CYP46A1: variants seen among roughly 807,000 people sequenced by gnomAD.
The protein encoded by CYP46A1 is cytochrome P450 family 46 subfamily A member 1, also known as cholesterol 24-hydroxylase.
CYP46A1 carries 20 observed loss-of-function variants against 63.3 expected under a neutral mutation model. The ratio of observed to expected loss-of-function variants is 0.32; its 90% CI spans 0.22 to 0.46. CYP46A1 has a LOEUF of 0.46. CYP46A1 is among the 20% of genes least tolerant of loss of function. The pLI is 1.00. For synonymous variants in CYP46A1, 268 were observed against 273.6 expected (o/e 0.98, Z 0.20); for missense variants, 445 against 670.8 (o/e 0.66, Z 3.72).
intron 1 of CYP46A1, 92 bp downstream of exon 1, chr14:99,684,628 C>A: frequency 8.6e-7 from 1 of 1,164,322 alleles, no homozygotes; most frequent in Non-Finnish European, 1.2e-6. Flanking sequence ...GGGGGTCCGG[C>A]CTCGCCTAGT....
At position 99,721,030 on chromosome 14, in the gene CYP46A1, C is replaced by A. The variant is rs372016852; in HGVS notation, c.981-209C>A. ...AATCCTGGGGGGAGGGCGGAGGTTG[C>A]AGTGAGCCGAGATCACACCACTGCA... On this transcript the variant is annotated intron_variant, in intron 10 of 14. Coordinates refer to ENST00000261835, the MANE Select transcript of CYP46A1 (RefSeq NM_006668.2). Among the ~76,000 whole-genome samples the A allele has an allele frequency of 1.2e-4, 18 of 152,180 alleles. No individual in the cohort carries two copies. The East Asian group carries it at 3.1e-3, about 26-fold the overall frequency.
chr14:99,699,631 T>C (rs1320162375), intron 4 of CYP46A1, 92 bp downstream of exon 4: 1 of 1,386,030 alleles, frequency 7.2e-7, no homozygotes, highest in African/African-American at 1.4e-5. Context: ...GGGTGTAGAA[T>C]TGAGGCCTGA....
At chr14:99,714,779 AAAG>A (rs1013457840) in intron 7 of CYP46A1, among the ~76,000 whole-genome samples, 2 of 151,044 alleles carry the variant, frequency 1.3e-5, no homozygotes, top group Non-Finnish European at 1.5e-5. Flanking sequence ...AAAAAAAAGA[AAAG>A]AAAATTTGAT....
intron 5 of CYP46A1, among the ~76,000 whole-genome samples, chr14:99,702,843 A>G (rs2056643895): frequency 6.6e-6 from 1 of 152,236 alleles, no homozygotes; most frequent in African/African-American, 2.4e-5. Context: ...TTAATCTAAT[A>G]CTGTTATCTA....
chr14:99,694,690 A>C (rs552840696), intron 3 of CYP46A1, among the ~76,000 whole-genome samples: 4 of 152,110 alleles, frequency 2.6e-5, no homozygotes, highest in Non-Finnish European at 5.9e-5. Flanking sequence ...TGGTAGAGAC[A>C]GGGTTTCACC....
chr14:99,695,604 T>TTATTATTA (rs2056580575), intron 3 of CYP46A1: 2 of 142,852 alleles, frequency 1.4e-5, no homozygotes, highest in Non-Finnish European at 3.0e-5. Flanking sequence ...CCATTCCAGC[T>TTATTATTA]TTATTATTAT....
chr14:99,700,070 C>T lies in CYP46A1; in HGVS notation c.412C>T (p.Arg138Trp). 1.9e-6 allele frequency: 3 copies of T among 1,607,288 alleles called. No homozygotes were observed. Among genetic ancestry groups the T allele is most frequent in the Non-Finnish European group, 2.6e-6 (3 of 1,176,178 alleles). Reference protein sequence around the residue: ...ECNYERWHKQRRVIDLAFSRS... With the variant: ...ECNYERWHKQWRVIDLAFSRS... ...CAACTATGAGCGCTGGCACAAGCAG[C>T]GGAGAGTCATAGACCTGGCCTTCAG... Residue 138 changes from arginine (R) to tryptophan (W), a missense_variant, in exon 5 of 15, where the codon CGG becomes TGG. Physicochemically the swap from Arg to Trp is moderately radical, Grantham distance 101 (BLOSUM62 -3). This residue lies in a region of CYP46A1 where 252 missense variants were observed against 383.3 expected (regional missense o/e 0.66). Transcript: ENST00000261835.
chr14:99,689,304 G>A (rs1053648329), intron 1 of CYP46A1, among the ~76,000 whole-genome samples: 1 of 152,222 alleles, frequency 6.6e-6, no homozygotes, highest in Non-Finnish European at 1.5e-5. Flanking sequence ...AGTTTAGGAG[G>A]TGGGGGATGA....
At chr14:99,694,371 C>CTTTTTTTTTTTT (rs74872295) in intron 3 of CYP46A1, among the ~76,000 whole-genome samples, 1 of 86,300 alleles carries the variant, frequency 1.2e-5, no homozygotes, top group African/African-American at 4.3e-5. Flanking sequence ...TTTGGGTTTT[C>CTTTTTTTTTTTT]TTTTTTTTTT....
At position 99,725,032 on chromosome 14, in the gene CYP46A1, A is replaced by G. The variant is rs908245544; in HGVS notation, c.1177-359A>G. On this transcript the variant is annotated intron_variant, in intron 12 of 14. Coordinates refer to ENST00000261835, the MANE Select transcript of CYP46A1 (RefSeq NM_006668.2). The surrounding 1 kb of genome is among the most constrained non-coding windows in gnomAD (Gnocchi z 4.2). ...CCTCACAGAGTCAGATCTGAGTTTG[A>G]ATCCCGGTTTGGCCATTTATTTGCC... 1.3e-5 allele frequency among the ~76,000 whole-genome samples: 2 copies of G among 152,120 alleles called. No homozygotes were observed. Among genetic ancestry groups the G allele is most frequent in the Non-Finnish European group, 2.9e-5 (2 of 68,020 alleles).
intron 1 of CYP46A1, among the ~76,000 whole-genome samples, chr14:99,685,464 AG>A (rs538538438): frequency 9.4e-4 from 142 of 151,216 alleles, no homozygotes; most frequent in Non-Finnish European, 1.7e-3. Context: ...ATCACCTCTG[AG>A]GTTACCTTCT....
chr14:99,717,738 G>T, intron 9 of CYP46A1: 1 of 321,472 alleles, frequency 3.1e-6, no homozygotes, highest in South Asian at 7.3e-5. Context: ...GGGGGCTTTT[G>T]TGTGCACCCT....
intron 10 of CYP46A1, among the ~76,000 whole-genome samples, chr14:99,718,990 A>G (rs2056819028): frequency 6.6e-6 from 1 of 151,838 alleles, no homozygotes; most frequent in South Asian, 2.1e-4. Context: ...TCACCTACGC[A>G]TGAGCAGCTT....
intron 3 of CYP46A1, among the ~76,000 whole-genome samples, chr14:99,693,430 GATATAGTGAATT>G (rs1230666032): frequency 6.6e-6 from 1 of 152,188 alleles, no homozygotes; most frequent in Non-Finnish European, 1.5e-5. Flanking sequence ...GATATATATT[GATATAGTGAATT>G]ATACTGATTG....
intron 12 of CYP46A1, among the ~76,000 whole-genome samples, chr14:99,723,745 CTTGTT>C (rs1251425971): frequency 6.6e-6 from 1 of 152,176 alleles, no homozygotes; most frequent in Non-Finnish European, 1.5e-5. Flanking sequence ...TTTGCTTTGT[CTTGTT>C]TAAGAAATCC....
intron 7 of CYP46A1, among the ~76,000 whole-genome samples, chr14:99,714,871 G>A (rs1006212977): frequency 6.6e-6 from 1 of 152,122 alleles, no homozygotes; most frequent in African/African-American, 2.4e-5. Context: ...TGGAACTGGA[G>A]ATCATTATGT....
At chr14:99,702,998 G>C (rs1239423888) in intron 5 of CYP46A1, among the ~76,000 whole-genome samples, 1 of 152,030 alleles carries the variant, frequency 6.6e-6, no homozygotes, top group Non-Finnish European at 1.5e-5. Context: ...GCCTTTCTTT[G>C]GCTTTCTTTA....
At chr14:99,700,396 C>T (rs1369364786) in intron 5 of CYP46A1, among the ~76,000 whole-genome samples, 1 of 152,192 alleles carries the variant, frequency 6.6e-6, no homozygotes, top group Non-Finnish European at 1.5e-5. Flanking sequence ...CTCCCCACAT[C>T]AGACCTCATC....
chr14:99,700,148 T>C (rs1353364170), intron 5 of CYP46A1, 47 bp downstream of exon 5: 2 of 1,476,082 alleles, frequency 1.4e-6, no homozygotes, highest in Non-Finnish European at 1.9e-6. Context: ...CCAGAGGCAG[T>C]AGGGGCTGCC....
Sources: allele counts gnomAD v4.1 joint callset (sites outside exome capture counted in the v4.1 genomes callset), GRCh38; gene constraint gnomAD v4.1.1; regional missense constraint gnomAD v4.1.1; non-coding constraint Gnocchi (gnomAD v3.1); transcripts MANE v1.5; gene names NCBI Gene and HGNC (gene_info 2026-07-23, HGNC 2026-07-21).